CYSLTR1: variants seen among roughly 807,000 people sequenced by gnomAD.
CYSLTR1 encodes the protein G-protein coupled receptor HG55.
Under a neutral mutation model 2.1 loss-of-function variants are expected in CYSLTR1, and 1 was observed. The ratio of observed to expected loss-of-function variants is 0.48; its 90% CI spans 0.17 to 2.28. The LOEUF is 2.28. CYSLTR1 is among the 30% of genes most tolerant of loss of function. CYSLTR1 has a pLI of 0.26. For synonymous variants in CYSLTR1, 110 were observed against 89.6 expected (o/e 1.23, Z -1.28); for missense variants, 299 against 250.1 (o/e 1.20, Z -1.32).
chrX:78,296,200 T>C lies in CYSLTR1; in HGVS notation c.-114-12660A>G, dbSNP rs753411013. Among the ~76,000 whole-genome samples the C allele has an allele frequency of 4.5e-5, 5 of 111,870 alleles. No homozygotes were observed. The Admixed American group carries it at 4.8e-4, about 11-fold the overall frequency. On this transcript the variant is annotated intron_variant, in intron 1 of 2. Coordinates refer to ENST00000373304, the MANE Select transcript of CYSLTR1 (RefSeq NM_006639.4). ...TCTTGGCAACTTTGTTGAAAATGAG[T>C]TCACTATAGGTGAGTGATTGTGTTT... is the stretch of plus-strand genomic sequence containing the variant.
intron 1 of CYSLTR1, chrX:78,320,213 T>G (rs1425760722): frequency 8.9e-5 from 10 of 112,058 alleles, no homozygotes; most frequent in East Asian, 2.8e-4. Flanking sequence ...GTATTGCCTA[T>G]GTTTTCTTCT....
chrX:78,271,538 T>C lies in CYSLTR1; in HGVS notation c.*1195A>G, dbSNP rs1921257823. 8.9e-6 allele frequency: 1 copy of C among 111,838 alleles called. No individual in the cohort carries two copies. The highest frequency in any genetic ancestry group is 3.2e-5 in the African/African-American group (1 of 30,828). The allele number at this position is 111,838 out of a possible 1,213,427, so 9.2% of individuals were successfully genotyped here. On this transcript the variant is annotated 3_prime_UTR_variant, in exon 3 of 3. Transcript: ENST00000373304. Reference sequence around the variant, plus strand: ...TAAAAAACAAACTTAAAGGACACACTACACTTCAGCAAAAGCTTGTCCACG... The same window carrying C: ...TAAAAAACAAACTTAAAGGACACACCACACTTCAGCAAAAGCTTGTCCACG...
intron 1 of CYSLTR1, among the ~76,000 whole-genome samples, chrX:78,305,677 T>C (rs1276225279): frequency 8.9e-6 from 1 of 112,617 alleles, no homozygotes; most frequent in African/African-American, 3.2e-5. Flanking sequence ...TTCTAGTTTC[T>C]GATTCTATAA....
intron 1 of CYSLTR1, among the ~76,000 whole-genome samples, chrX:78,303,198 T>C (rs1922891301): frequency 9.0e-6 from 1 of 111,643 alleles, no homozygotes; most frequent in South Asian, 3.8e-4. Context: ...TTTCTGCTGT[T>C]ACAGGACAGC....
At chrX:78,318,144 A>G (rs746774426) in intron 1 of CYSLTR1, among the ~76,000 whole-genome samples, 1 of 112,044 alleles carries the variant, frequency 8.9e-6, no homozygotes, top group East Asian at 2.8e-4. Context: ...CTACATGCCC[A>G]TCAATGGTAG....
At chrX:78,287,794 T>C (rs184870007) in intron 1 of CYSLTR1, among the ~76,000 whole-genome samples, 24 of 111,234 alleles carry the variant, frequency 2.2e-4, no homozygotes, top group Admixed American at 6.7e-4. Context: ...AGCCCATAAC[T>C]AGAGACAGGA....
At chrX:78,303,166 G>C (rs1294066596) in intron 1 of CYSLTR1, among the ~76,000 whole-genome samples, 3 of 111,743 alleles carry the variant, frequency 2.7e-5, no homozygotes. Flanking sequence ...GTGGCCATCA[G>C]CTGAGTTTGA....
chrX:78,325,497 C>T (rs1011394915), intron 1 of CYSLTR1, among the ~76,000 whole-genome samples: 2 of 112,211 alleles, frequency 1.8e-5, no homozygotes, highest in African/African-American at 6.5e-5. Context: ...CTCATTACTG[C>T]ATTAGATACA....
chrX:78,294,831 T>C (rs1004772900), intron 1 of CYSLTR1, among the ~76,000 whole-genome samples: 4 of 112,709 alleles, frequency 3.5e-5, no homozygotes, highest in Non-Finnish European at 5.6e-5. Flanking sequence ...GCTAAGACTA[T>C]GGGAAAAGCA....
Position 78,273,211 on chromosome X carries a change from T to A in CYSLTR1, c.536A>T (p.Asp179Val). Residue 179 changes from aspartate (D) to valine (V), a missense_variant, in exon 3 of 3, where the codon GAC becomes GTC. Coordinates refer to ENST00000373304, the MANE Select transcript of CYSLTR1 (RefSeq NM_006639.4). ...CAAAACATGATTTTTAGTTTGATTGTCTTGTGGGGGCTCAAAGCACTTGGT... is the reference window on the plus strand; with the variant it reads ...CAAAACATGATTTTTAGTTTGATTGACTTGTGGGGGCTCAAAGCACTTGGT... ...NNTKCFEPPQ[D>V]NQTKNHVLVL... 8.3e-7 allele frequency: 1 copy of A among 1,211,211 alleles called. No homozygotes were observed. The highest frequency in any genetic ancestry group is 1.1e-6 in the Non-Finnish European group (1 of 895,288).
At chrX:78,319,225 T>C (rs1489463870) in intron 1 of CYSLTR1, 1 of 106,831 alleles carries the variant, frequency 9.4e-6, no homozygotes, top group Non-Finnish European at 1.9e-5. Flanking sequence ...TAACTCGTCA[T>C]TTAACATTAG....
intron 1 of CYSLTR1, among the ~76,000 whole-genome samples, chrX:78,327,063 T>G (rs905926137): frequency 9.0e-5 from 10 of 111,687 alleles, no homozygotes; most frequent in Non-Finnish European, 1.9e-4. Context: ...GTGTGTCTCC[T>G]CTGTATTTTG....
At chrX:78,310,163 G>A (rs1923165325) in intron 1 of CYSLTR1, among the ~76,000 whole-genome samples, 1 of 111,239 alleles carries the variant, frequency 9.0e-6, no homozygotes, top group African/African-American at 3.3e-5. Context: ...GTCTCCAGTG[G>A]CCTATTAATT....
chrX:78,281,668 CAAGTAA>C (rs1293802827), intron 2 of CYSLTR1, among the ~76,000 whole-genome samples: 2 of 111,206 alleles, frequency 1.8e-5, no homozygotes, highest in African/African-American at 6.6e-5. Context: ...TATCAAATTT[CAAGTAA>C]ATAATATAAT....
At chrX:78,280,918 T>A (rs182257799) in intron 2 of CYSLTR1, among the ~76,000 whole-genome samples, 49 of 112,347 alleles carry the variant, frequency 4.4e-4, no homozygotes, top group African/African-American at 1.4e-3. Flanking sequence ...CATAATGTCA[T>A]TCTTTTTTAT....
At chrX:78,278,491 C>T (rs935411781) in intron 2 of CYSLTR1, among the ~76,000 whole-genome samples, 64 of 112,326 alleles carry the variant, frequency 5.7e-4, no homozygotes, top group African/African-American at 1.9e-3. Flanking sequence ...AATAGAAATA[C>T]ATTTTATGCT....
intron 2 of CYSLTR1, among the ~76,000 whole-genome samples, 177 bp downstream of exon 2, chrX:78,283,277 G>A (rs969361357): frequency 1.8e-5 from 2 of 112,051 alleles, no homozygotes; most frequent in African/African-American, 6.5e-5. Context: ...GAAGTGTGAA[G>A]AGGTTACAAT....
At chrX:78,280,781 T>G (rs1479028707) in intron 2 of CYSLTR1, among the ~76,000 whole-genome samples, 1 of 111,435 alleles carries the variant, frequency 9.0e-6, no homozygotes, top group Non-Finnish European at 1.9e-5. Context: ...TTCTCTTCTT[T>G]GTGTCCATGT....
intron 2 of CYSLTR1, among the ~76,000 whole-genome samples, chrX:78,279,107 T>C (rs1189166627): frequency 9.0e-6 from 1 of 111,729 alleles, no homozygotes; most frequent in African/African-American, 3.2e-5. Flanking sequence ...AAATTAACAA[T>C]TGGGATCTAA....
Sources: allele counts gnomAD v4.1 joint callset (sites outside exome capture counted in the v4.1 genomes callset), GRCh38; gene constraint gnomAD v4.1.1; transcripts MANE v1.5; gene names NCBI Gene and HGNC (gene_info 2026-07-23, HGNC 2026-07-21).